The following ARIH1 variants were observed in gnomAD, a reference collection of about 807,000 sequenced individuals.
ARIH1 encodes ariadne RBR E3 ubiquitin protein ligase 1, also known as E3 ubiquitin-protein ligase ARIH1.
A neutral mutation model predicts 85.0 loss-of-function variants in ARIH1; 8 were observed. The observed-to-expected ratio is 0.09, with a 90% CI of 0.06 to 0.17. The LOEUF is 0.17. Ranked by LOEUF, ARIH1 falls within the 10% of genes least tolerant of loss-of-function variation. ARIH1 has a pLI of 1.00. For synonymous variants in ARIH1, 238 were observed against 253.6 expected (o/e 0.94, Z 0.59); for missense variants, 311 against 718.1 (o/e 0.43, Z 6.48).
rs1435928163 is a variant in ARIH1, at chr15:72,592,514, A to C, written c.*9222A>C. The C allele has an allele frequency of 6.6e-6, 1 of 152,214 alleles. No homozygotes were observed. The highest frequency in any genetic ancestry group is 2.1e-4 in the South Asian group (1 of 4,838). 9.4% of individuals were successfully genotyped at this position (152,214 alleles called of 1,614,324 possible). On this transcript the variant is annotated 3_prime_UTR_variant, in exon 14 of 14. Transcript: ENST00000379887. ...GTATACGTCTGTGTAATAACTACCA[A>C]AAGAAGACATAATATGTTACAATTA...
At chr15:72,565,228 A>G (rs547362455) in intron 7 of ARIH1, among the ~76,000 whole-genome samples, 25 of 151,302 alleles carry the variant, frequency 1.7e-4, no homozygotes, top group African/African-American at 5.8e-4. Flanking sequence ...GCTAATTTTT[A>G]TTTATTTATT....
chr15:72,579,229 A>G lies in ARIH1; in HGVS notation c.1216-1502A>G, dbSNP rs890630581. Among the ~76,000 whole-genome samples, 10 of 152,078 alleles carry G rather than the reference A, an allele frequency of 6.6e-5. 1 individual carries two copies. Among genetic ancestry groups the G allele is most frequent in the Admixed American group, 4.6e-4 (7 of 15,258 alleles). On this transcript the variant is annotated intron_variant, in intron 11 of 13. Transcript: ENST00000379887. ...CTTTTTTTTCTTTGTTGAAGAAACT[A>G]GATCGTGTTGTCCTGTAGAGTTTCC...
At chr15:72,483,827 G>T (rs1161121855) in intron 1 of ARIH1, among the ~76,000 whole-genome samples, 7 of 148,504 alleles carry the variant, frequency 4.7e-5, no homozygotes, top group Non-Finnish European at 1.0e-4. Flanking sequence ...CTCTAGCTAC[G>T]TAATGGAATC....
At chr15:72,544,684 C>T (rs1170655049) in intron 2 of ARIH1, 136 bp from the exon 3 acceptor site, 2 of 758,764 alleles carry the variant, frequency 2.6e-6, no homozygotes, top group South Asian at 4.3e-5. Context: ...CTTTTATTTC[C>T]TCTGAATAAA....
In ARIH1 at chr15:72,520,355, CT is replaced by C. The variant is rs918763301; in HGVS notation, c.443+2234del. 4.0e-3 allele frequency among the ~76,000 whole-genome samples: 565 copies of C among 142,680 alleles called. 1 individual carries two copies. The highest frequency in any genetic ancestry group is 7.3e-3 in the Admixed American group (104 of 14,200). 93.6% of individuals were successfully genotyped at this position (142,680 alleles called of 152,430 possible). ...GTTGTCTGCTATTAGCACTGCCACA[CT>C]TTTTTTTTTTTTAAAGCATTTGACT... On this transcript the variant is annotated intron_variant, in intron 2 of 13. Transcript: ENST00000379887.
In ARIH1 at chr15:72,594,695, A is replaced by G. The variant is rs2064355722; in HGVS notation, c.*11403A>G. On this transcript the variant is annotated 3_prime_UTR_variant, in exon 14 of 14. Transcript: ENST00000379887. ...TGAATCGTGCCACCTTGCTAAATTC[A>G]TTTATTCTAGAAATAGTTCTTGTAG... The G allele has an allele frequency of 6.6e-6, 1 of 151,320 alleles. No individual in the cohort carries two copies. 9.4% of individuals were successfully genotyped at this position (151,320 alleles called of 1,614,324 possible). A position where few individuals can be genotyped will look rare whatever the true frequency, so the allele number is the denominator to read the frequency against.
At chr15:72,517,302 CTA>C (rs1253702040) in intron 1 of ARIH1, among the ~76,000 whole-genome samples, 1 of 152,168 alleles carries the variant, frequency 6.6e-6, no homozygotes, top group Admixed American at 6.5e-5. Context: ...CTGGGTCTAA[CTA>C]TGTTGTCCAG....
chr15:72,528,938 T>C (rs563254791), intron 2 of ARIH1, among the ~76,000 whole-genome samples: 28 of 152,280 alleles, frequency 1.8e-4, no homozygotes, highest in Middle Eastern at 6.8e-3. Flanking sequence ...TGGTGGCTCA[T>C]GCCTGTAATC....
chr15:72,566,676 C>T (rs1227662975), intron 8 of ARIH1, 71 bp downstream of exon 8: 1 of 1,326,578 alleles, frequency 7.5e-7, no homozygotes, highest in African/African-American at 1.5e-5. Context: ...AAAATCATAG[C>T]TGATGATTTT....
chr15:72,528,074 TAAA>T (rs150680685), intron 2 of ARIH1, among the ~76,000 whole-genome samples: 2 of 148,210 alleles, frequency 1.3e-5, no homozygotes, highest in East Asian at 2.0e-4. Context: ...TGATAACAAG[TAAA>T]AAAAAAAGTG....
At chr15:72,484,880 CT>C (rs1275028813) in intron 1 of ARIH1, among the ~76,000 whole-genome samples, 1 of 151,922 alleles carries the variant, frequency 6.6e-6, no homozygotes, top group African/African-American at 2.4e-5. Flanking sequence ...GCGAATTGTA[CT>C]GCTACAAATG....
At chr15:72,502,930 A>G (rs1441986880) in intron 1 of ARIH1, among the ~76,000 whole-genome samples, 1 of 152,184 alleles carries the variant, frequency 6.6e-6, no homozygotes, top group Non-Finnish European at 1.5e-5. Flanking sequence ...TTTACCTTTT[A>G]CCTTCCTTCT....
chr15:72,566,626 A>T (rs2064222144), intron 8 of ARIH1, 21 bp downstream of exon 8: 2 of 1,599,690 alleles, frequency 1.3e-6, no homozygotes, highest in African/African-American at 1.3e-5. Flanking sequence ...CTGACATTTC[A>T]ATTTTTAAAT....
intron 1 of ARIH1, among the ~76,000 whole-genome samples, chr15:72,483,468 A>G (rs946542418): frequency 5.9e-5 from 9 of 152,238 alleles, no homozygotes; most frequent in Middle Eastern, 3.4e-3. Flanking sequence ...CCCATACTCA[A>G]TCGGAGGGGA....
chr15:72,588,741 G>T lies in ARIH1; in HGVS notation c.*5449G>T, dbSNP rs1192486051. 1 of 152,092 alleles carries T rather than the reference G, an allele frequency of 6.6e-6. No homozygotes were observed. The highest frequency in any genetic ancestry group is 6.6e-5 in the Admixed American group (1 of 15,258). 9.4% of individuals were successfully genotyped at this position (152,092 alleles called of 1,614,324 possible). A position where few individuals can be genotyped will look rare whatever the true frequency, so the allele number is the denominator to read the frequency against. On this transcript the variant is annotated 3_prime_UTR_variant, in exon 14 of 14. Transcript: ENST00000379887. ...TTTTTTGTTGGTTTTCTGGTAAGTG[G>T]TCCACCTTGGAGAAAATCACAAAAC...
In ARIH1 at chr15:72,595,675, G is replaced by A. The variant is rs1160226612; in HGVS notation, c.*12383G>A. The stretch of plus-strand genomic sequence containing the variant: ...TCTTTTTCATTTTTGTAGACATGGA[G>A]TCTTGATATGTTGCCCAGATTGATC... On this transcript the variant is annotated 3_prime_UTR_variant, in exon 14 of 14. Coordinates refer to ENST00000379887, the MANE Select transcript of ARIH1 (RefSeq NM_005744.5). The A allele has an allele frequency of 6.6e-6, 1 of 151,984 alleles. No individual in the cohort carries two copies. Among genetic ancestry groups the A allele is most frequent in the Non-Finnish European group, 1.5e-5 (1 of 68,036 alleles). The allele number at this position is 151,984 out of a possible 1,614,324, so 9.4% of individuals were successfully genotyped here.
In ARIH1 at chr15:72,586,416, C is replaced by T. The variant is rs987186250; in HGVS notation, c.*3124C>T. 1.3e-5 allele frequency: 2 copies of T among 152,120 alleles called. No individual in the cohort carries two copies. Among genetic ancestry groups the T allele is most frequent in the African/African-American group, 4.8e-5 (2 of 41,402 alleles). The allele number at this position is 152,120 out of a possible 1,614,324, so 9.4% of individuals were successfully genotyped here. ...CAGAATGGTAAATTGATTAAATGCT[C>T]CTAACCCTGTAATTTTGTGCATAGA... is the stretch of plus-strand genomic sequence containing the variant. On this transcript the variant is annotated 3_prime_UTR_variant, in exon 14 of 14. Coordinates refer to ENST00000379887, the MANE Select transcript of ARIH1 (RefSeq NM_005744.5).
intron 1 of ARIH1, among the ~76,000 whole-genome samples, chr15:72,476,013 T>G (rs2063793588): frequency 6.6e-6 from 1 of 152,184 alleles, no homozygotes; most frequent in Admixed American, 6.5e-5. Context: ...TGAAGCTTGA[T>G]TCAGTGCAAT....
At chr15:72,544,354 T>C (rs183269733) in intron 2 of ARIH1, among the ~76,000 whole-genome samples, 206 of 152,278 alleles carry the variant, frequency 1.4e-3, no homozygotes, top group African/African-American at 4.8e-3. Context: ...ATAAAATGAA[T>C]TCATTTGTAT....
Sources: allele counts gnomAD v4.1 joint callset (sites outside exome capture counted in the v4.1 genomes callset), GRCh38; gene constraint gnomAD v4.1.1; transcripts MANE v1.5; gene names NCBI Gene and HGNC (gene_info 2026-07-23, HGNC 2026-07-21).